DPYD: variants seen among roughly 807,000 people sequenced by gnomAD.
The protein encoded by DPYD is dihydropyrimidine dehydrogenase [NADP(+)].
A neutral mutation model predicts 116.2 loss-of-function variants in DPYD; 109 were observed. The observed-to-expected ratio is 0.94, with a 90% CI of 0.80 to 1.10. The LOEUF (loss-of-function observed/expected upper bound fraction) is 1.10. Among genes scored for constraint, DPYD ranks in the 50% least tolerant of loss-of-function variants. The probability of loss-of-function intolerance (pLI) is 0.00; values close to 1 mark genes in which losing one functional copy is unlikely to be tolerated. For missense variants in DPYD, 1,302 were observed against 1,254.5 expected (o/e 1.04, Z -0.57); for synonymous variants, 440 against 432.0 (o/e 1.02, Z -0.23).
chr1:97,350,673 G>A (rs1670092443), intron 16 of DPYD, among the ~76,000 whole-genome samples: 2 of 152,122 alleles, frequency 1.3e-5, no homozygotes, highest in Non-Finnish European at 2.9e-5. Context: ...ATAATGCTGT[G>A]AGTCACAAAA....
Position 97,573,743 on chromosome 1 carries a change from A to G in DPYD, c.1339+17T>C, listed in dbSNP as rs1389139107. On this transcript the variant is annotated intron_variant, in intron 11 of 22. Coordinates refer to ENST00000370192, the MANE Select transcript of DPYD (RefSeq NM_000110.4). ...AACAGACAATTGCATCACACATTTC[A>G]GCTCCCAGCACTGTACCTTTAGGAT... The G allele has an allele frequency of 1.9e-6, 3 of 1,613,160 alleles. No individual in the cohort carries two copies. The highest frequency in any genetic ancestry group is 2.5e-6 in the Non-Finnish European group (3 of 1,179,394).
intron 5 of DPYD, chr1:97,720,922 A>G: frequency 4.3e-6 from 7 of 1,609,828 alleles, no homozygotes; most frequent in Non-Finnish European, 5.9e-6. Flanking sequence ...AGCCAGGATC[A>G]AAGTCTATGG....
intron 8 of DPYD, among the ~76,000 whole-genome samples, chr1:97,652,207 G>T (rs899699174): frequency 6.6e-6 from 1 of 152,032 alleles, no homozygotes; most frequent in Non-Finnish European, 1.5e-5. Context: ...GAGTACAGAT[G>T]CTGCAAAAGA....
chr1:97,154,575 C>T (rs187084788), intron 20 of DPYD, among the ~76,000 whole-genome samples: 8 of 151,984 alleles, frequency 5.3e-5, no homozygotes, highest in African/African-American at 1.4e-4. Flanking sequence ...GGTCAACAGG[C>T]GAAACCATTA....
chr1:97,919,234 A>C (rs75469693), intron 1 of DPYD, among the ~76,000 whole-genome samples: 12,530 of 152,298 alleles, frequency 0.082, 610 homozygotes, highest in Admixed American at 0.14. Context: ...ATAAGAGCTG[A>C]AGGTGTTTGA....
chr1:97,469,439 T>C (rs1182005709), intron 13 of DPYD, among the ~76,000 whole-genome samples: 1 of 102,308 alleles, frequency 9.8e-6, no homozygotes, highest in African/African-American at 4.1e-5. Flanking sequence ...GACAAATAAA[T>C]AAAATGCCAG....
At chr1:97,900,448 A>G (rs1223689956) in intron 1 of DPYD, among the ~76,000 whole-genome samples, 2 of 151,864 alleles carry the variant, frequency 1.3e-5, no homozygotes, top group African/African-American at 4.8e-5. Flanking sequence ...AATATTCAAA[A>G]CCAGGGTGCA....
chr1:97,907,800 T>C (rs1195260835), intron 1 of DPYD, among the ~76,000 whole-genome samples: 1 of 152,062 alleles, frequency 6.6e-6, no homozygotes, highest in East Asian at 1.9e-4. Flanking sequence ...TTGTATTCAT[T>C]TTCTTGGGCT....
chr1:97,308,003 G>C (rs1004357154), intron 16 of DPYD, among the ~76,000 whole-genome samples: 3 of 151,806 alleles, frequency 2.0e-5, no homozygotes, highest in African/African-American at 2.4e-5. Context: ...AATGTGTCCT[G>C]ATAAGAATTA....
At chr1:97,256,045 A>G (rs1433679765) in intron 18 of DPYD, among the ~76,000 whole-genome samples, 1 of 152,088 alleles carries the variant, frequency 6.6e-6, no homozygotes, top group Non-Finnish European at 1.5e-5. Flanking sequence ...ATGACTGATG[A>G]TAGTTGATTA....
intron 12 of DPYD, among the ~76,000 whole-genome samples, chr1:97,533,153 G>C (rs369099855): frequency 3.0e-4 from 46 of 151,496 alleles, no homozygotes; most frequent in Non-Finnish European, 2.2e-4. Flanking sequence ...CCCCCACCAT[G>C]CCGCACCTCC....
chr1:97,582,964 TTTG>T (rs1471708953), intron 10 of DPYD, among the ~76,000 whole-genome samples: 1 of 152,102 alleles, frequency 6.6e-6, no homozygotes, highest in African/African-American at 2.4e-5. Flanking sequence ...GGGTTGATTT[TTTG>T]TTGTTGTTGT....
At chr1:97,257,312 T>C (rs1019255216) in intron 18 of DPYD, among the ~76,000 whole-genome samples, 4 of 151,806 alleles carry the variant, frequency 2.6e-5, no homozygotes, top group Non-Finnish European at 5.9e-5. Flanking sequence ...TAGTAAAACA[T>C]TCAGATGTAT....
intron 14 of DPYD, among the ~76,000 whole-genome samples, chr1:97,430,995 G>C (rs578094063): frequency 3.3e-4 from 50 of 152,110 alleles, no homozygotes; most frequent in African/African-American, 1.1e-3. Flanking sequence ...AATCCTGGAG[G>C]AGGAAATTAA....
At chr1:97,670,636 C>T (rs573646980) in intron 8 of DPYD, among the ~76,000 whole-genome samples, 63 of 152,254 alleles carry the variant, frequency 4.1e-4, no homozygotes, top group African/African-American at 1.5e-3. Flanking sequence ...GCTATTTTGG[C>T]ATAGCAGCCC....
In DPYD at chr1:97,721,320, T is replaced by C. The variant is rs562178814; in HGVS notation, c.483+190A>G. On this transcript the variant is annotated intron_variant, in intron 5 of 22. Coordinates refer to ENST00000370192, the MANE Select transcript of DPYD (RefSeq NM_000110.4). ...CTGGGATTGCAACTAATTTGACATA[T>C]GGTTTTATACACTTCCTTTTTGTAG... Among the ~76,000 whole-genome samples the C allele has an allele frequency of 2.6e-5, 4 of 151,924 alleles. No homozygotes were observed. In the South Asian group the frequency reaches 8.3e-4, roughly 31 times the overall value.
chr1:97,375,072 G>A (rs1344435480), intron 15 of DPYD, among the ~76,000 whole-genome samples: 1 of 151,288 alleles, frequency 6.6e-6, no homozygotes. Context: ...TTTTAGAGAT[G>A]GAGGAATAAA....
intron 14 of DPYD, among the ~76,000 whole-genome samples, chr1:97,448,597 A>C (rs1445618973): frequency 6.7e-6 from 1 of 150,068 alleles, no homozygotes; most frequent in African/African-American, 2.5e-5. Context: ...CAAACATATT[A>C]TTTCTTTTTA....
In DPYD at chr1:97,193,158, C is replaced by T. The variant is rs1658501590; in HGVS notation, c.2533G>A (p.Glu845Lys). The T allele has an allele frequency of 1.2e-6, 2 of 1,614,034 alleles. No individual in the cohort carries two copies. The highest frequency in any genetic ancestry group is 1.7e-6 in the Non-Finnish European group (2 of 1,179,956). ...KALLYLKSIE[E>K]LQDWDGQSPA... ...CTCTGTCCATCCCAGTCTTGTAGTTCTTCAATGCTTTTCAGATAAAGCAGG... is the reference window on the plus strand; with the variant it reads ...CTCTGTCCATCCCAGTCTTGTAGTTTTTCAATGCTTTTCAGATAAAGCAGG... The change falls in exon 20 of 23, where the codon GAA becomes AAA. Residue 845 changes from glutamate (E) to lysine (K), a missense_variant. Physicochemically the swap from Glu to Lys is moderately conservative, Grantham distance 56. Coordinates refer to ENST00000370192, the MANE Select transcript of DPYD (RefSeq NM_000110.4).
Sources: gnomAD v4.1 joint callset for allele counts (sites outside exome capture counted in the v4.1 genomes callset) on GRCh38, gnomAD v4.1.1 for gene constraint, MANE v1.5 for transcripts, NCBI Gene and HGNC (gene_info 2026-07-23, HGNC 2026-07-21) for gene names.